Variants in HDAC4 observed in about 807,000 individuals in gnomAD.
HDAC4 encodes histone deacetylase 4, also known as histone deacetylase A.
In HDAC4, 16 loss-of-function variants were observed where a neutral mutation model predicts 135.1. The ratio of observed to expected loss-of-function variants is 0.12; its 90% CI spans 0.08 to 0.18. The LOEUF (loss-of-function observed/expected upper bound fraction) is 0.18, where lower values mean the gene tolerates loss of function less well. Among genes scored for constraint, HDAC4 ranks in the 10% least tolerant of loss-of-function variants. The pLI, the probability that HDAC4 is intolerant of heterozygous loss-of-function variation, is 1.00. For synonymous variants in HDAC4, 685 were observed against 653.4 expected, an observed-to-expected ratio of 1.05 and a Z score of -0.74; for missense variants, 1,143 against 1,511.8, an observed-to-expected ratio of 0.76 and a Z score of 4.05.
chr2:239,340,453 C>T (rs1055746592), intron 2 of HDAC4, among the ~76,000 whole-genome samples: 1 of 152,198 alleles, frequency 6.6e-6, no homozygotes, highest in African/African-American at 2.4e-5. Context: ...TGGTGCATCT[C>T]CTAAAGGCTG....
intron 16 of HDAC4, among the ~76,000 whole-genome samples, chr2:239,098,001 A>C (rs1276733559): frequency 3.3e-5 from 5 of 152,238 alleles, no homozygotes; most frequent in African/African-American, 1.2e-4. Flanking sequence ...TTCACAGTAG[A>C]CACACGTGTC....
At chr2:239,102,714 T>C in intron 16 of HDAC4, 62 bp downstream of exon 16, 1 of 1,601,938 alleles carries the variant, frequency 6.2e-7, no homozygotes, top group Non-Finnish European at 8.5e-7. Context: ...GGTTGAGAGC[T>C]GGAAACACAA....
At chr2:239,398,363 T>C (rs1016467233) in intron 1 of HDAC4, among the ~76,000 whole-genome samples, 4 of 152,162 alleles carry the variant, frequency 2.6e-5, no homozygotes, top group South Asian at 2.1e-4. Flanking sequence ...CATTAAAGGA[T>C]TGGAATTCAA....
chr2:239,075,582 G>C (rs1475954633), intron 22 of HDAC4, among the ~76,000 whole-genome samples: 1 of 152,206 alleles, frequency 6.6e-6, no homozygotes, highest in Non-Finnish European at 1.5e-5. Context: ...CACGTACAGA[G>C]GGAAACGTGG....
At chr2:239,073,319 A>C (rs1170043808) in intron 22 of HDAC4, among the ~76,000 whole-genome samples, 3 of 152,202 alleles carry the variant, frequency 2.0e-5, no homozygotes, top group African/African-American at 7.2e-5. Context: ...CTGTGCCCCG[A>C]GGGCCATCGT....
chr2:239,103,137 G>A (rs2037809896), intron 15 of HDAC4, among the ~76,000 whole-genome samples: 2 of 152,202 alleles, frequency 1.3e-5, no homozygotes, highest in African/African-American at 2.4e-5. Context: ...CACTTTAAAA[G>A]ATAATTCCAG....
intron 1 of HDAC4, among the ~76,000 whole-genome samples, chr2:239,387,698 C>T (rs1489119575): frequency 1.3e-5 from 2 of 152,212 alleles, no homozygotes; most frequent in Non-Finnish European, 2.9e-5. Context: ...AGGCTTAGAG[C>T]GGTTGGGTCA....
intron 13 of HDAC4, among the ~76,000 whole-genome samples, chr2:239,112,780 C>A (rs963138279): frequency 1.3e-5 from 2 of 152,214 alleles, no homozygotes; most frequent in African/African-American, 4.8e-5. Flanking sequence ...GAGCTCTGCG[C>A]CAATCCTGTC....
intron 3 of HDAC4, among the ~76,000 whole-genome samples, chr2:239,190,723 C>T (rs1049421944): frequency 6.6e-6 from 1 of 152,190 alleles, no homozygotes; most frequent in Non-Finnish European, 1.5e-5. Flanking sequence ...TCTGGGCATG[C>T]GTTTCTGCAC....
chr2:239,192,264 C>A (rs2045036040), intron 3 of HDAC4, among the ~76,000 whole-genome samples: 1 of 132,896 alleles, frequency 7.5e-6, no homozygotes, highest in Admixed American at 8.5e-5. Context: ...GAGGACTGTT[C>A]CATGTGCAGG....
At chr2:239,066,630 C>G in intron 24 of HDAC4, 92 bp downstream of exon 24, 1 of 1,585,148 alleles carries the variant, frequency 6.3e-7, no homozygotes, top group South Asian at 1.1e-5. Flanking sequence ...GACCCACTGG[C>G]TTTTTCATGC....
chr2:239,066,139 C>T (rs896533242), intron 24 of HDAC4, among the ~76,000 whole-genome samples: 1 of 152,188 alleles, frequency 6.6e-6, no homozygotes, highest in Admixed American at 6.5e-5. Flanking sequence ...GCTCTCACCC[C>T]GAGCCCGTGG....
intron 2 of HDAC4, among the ~76,000 whole-genome samples, chr2:239,247,699 T>C (rs550307745): frequency 1.3e-5 from 2 of 152,356 alleles, no homozygotes; most frequent in South Asian, 4.1e-4. Flanking sequence ...AATAGGTGCA[T>C]GTTAATAAGT....
chr2:239,346,789 TCTCA>T (rs143437330), intron 2 of HDAC4, among the ~76,000 whole-genome samples: 34,545 of 126,514 alleles, frequency 0.27, 4,812 homozygotes, highest in Non-Finnish European at 0.35. Flanking sequence ...ACATACACCG[TCTCA>T]CACACACACA....
chr2:239,105,016 T>A (rs780558832), intron 15 of HDAC4, among the ~76,000 whole-genome samples: 56 of 152,238 alleles, frequency 3.7e-4, no homozygotes, highest in Admixed American at 2.2e-3. Flanking sequence ...GACACCGCGA[T>A]GGCTCAGGCT....
In HDAC4 at chr2:239,111,514, G is replaced by A. The variant is rs1446274772; in HGVS notation, c.1978+12C>T. ...CGTTGCACCCTCAGGCTGCACAAAG[G>A]CCACGTGTTACCTGTCGTGAACCTC... On this transcript the variant is annotated intron_variant, in intron 14 of 26. Transcript: ENST00000543185. The A allele has an allele frequency of 1.2e-6, 2 of 1,610,154 alleles. No individual in the cohort carries two copies. Among genetic ancestry groups the A allele is most frequent in the African/African-American group, 1.3e-5 (1 of 74,894 alleles).
intron 4 of HDAC4, 118 bp from the exon 5 acceptor site, chr2:239,176,681 G>T: frequency 1.1e-6 from 1 of 880,144 alleles, no homozygotes; most frequent in Non-Finnish European, 1.8e-6. Flanking sequence ...TGTGGCCCTG[G>T]GCACTGCCCT....
chr2:239,220,702 C>G (rs531648445), intron 3 of HDAC4, among the ~76,000 whole-genome samples: 36 of 152,292 alleles, frequency 2.4e-4, no homozygotes, highest in African/African-American at 8.7e-4. Context: ...GCTTCATCTA[C>G]GAACATCCAT....
intron 24 of HDAC4, among the ~76,000 whole-genome samples, chr2:239,060,786 C>T (rs973844359): frequency 5.9e-5 from 9 of 152,266 alleles, no homozygotes; most frequent in Non-Finnish European, 1.0e-4. Flanking sequence ...CTGTCTGTCA[C>T]AAGCAAACCC....
Sources: gnomAD v4.1 joint callset for allele counts (sites outside exome capture counted in the v4.1 genomes callset) on GRCh38, gnomAD v4.1.1 for gene constraint, MANE v1.5 for transcripts, NCBI Gene and HGNC (gene_info 2026-07-23, HGNC 2026-07-21) for gene names.